Variants in CHRM3 observed in about 807,000 individuals in gnomAD.
CHRM3 encodes the protein muscarinic acetylcholine receptor M3.
In CHRM3, 11 loss-of-function variants were observed where a neutral mutation model predicts 41.8. The ratio of observed to expected loss-of-function variants is 0.26; its 90% CI spans 0.17 to 0.44. The LOEUF (loss-of-function observed/expected upper bound fraction) is 0.44. CHRM3 is among the 20% of genes least tolerant of loss of function. The pLI is 1.00. For missense variants in CHRM3, 571 were observed against 745.4 expected (o/e 0.77, Z 2.72); for synonymous variants, 297 against 301.4 (o/e 0.99, Z 0.15).
At chr1:239,646,836 A>G (rs952718274) in intron 4 of CHRM3, among the ~76,000 whole-genome samples, 3 of 152,172 alleles carry the variant, frequency 2.0e-5, no homozygotes, top group Non-Finnish European at 4.4e-5. Context: ...TAGAAGAATA[A>G]CATTAAGGAA....
At chr1:239,496,383 TAAATA>T (rs1394933305) in intron 2 of CHRM3, among the ~76,000 whole-genome samples, 1 of 152,168 alleles carries the variant, frequency 6.6e-6, no homozygotes, top group Non-Finnish European at 1.5e-5. Flanking sequence ...CCTCATTTGT[TAAATA>T]TATATAATAT....
At chr1:239,901,139 G>T (rs1679518738) in intron 6 of CHRM3, among the ~76,000 whole-genome samples, 1 of 152,148 alleles carries the variant, frequency 6.6e-6, no homozygotes, top group Non-Finnish European at 1.5e-5. Context: ...AGACAGGAGG[G>T]CATGAGGCAC....
intron 6 of CHRM3, among the ~76,000 whole-genome samples, chr1:239,885,485 C>A (rs565408478): frequency 6.6e-6 from 1 of 152,216 alleles, no homozygotes; most frequent in African/African-American, 2.4e-5. Context: ...TTAAGTGAGT[C>A]GGCTTTTTGA....
chr1:239,551,995 G>C (rs1487714166), intron 3 of CHRM3, among the ~76,000 whole-genome samples: 1 of 152,030 alleles, frequency 6.6e-6, no homozygotes, highest in Non-Finnish European at 1.5e-5. Context: ...TATTCATCCG[G>C]TTGTGTAACC....
chr1:239,602,089 C>CGTGTGTGTGTGT (rs1553337591), intron 3 of CHRM3, among the ~76,000 whole-genome samples: 5 of 13,080 alleles, frequency 3.8e-4, no homozygotes, highest in Admixed American at 3.4e-3. Context: ...TACATATATA[C>CGTGTGTGTGTGT]ATGTGTGTGT....
intron 5 of CHRM3, among the ~76,000 whole-genome samples, chr1:239,689,710 AAC>A (rs769028934): frequency 6.6e-6 from 1 of 152,210 alleles, no homozygotes; most frequent in Non-Finnish European, 1.5e-5. Context: ...CATTGATGCT[AAC>A]ACAGCAAATA....
At chr1:239,691,561 A>G (rs1023765425) in intron 5 of CHRM3, among the ~76,000 whole-genome samples, 7 of 152,216 alleles carry the variant, frequency 4.6e-5, no homozygotes, top group African/African-American at 1.7e-4. Flanking sequence ...ACCTGAAGAC[A>G]GATTAGAATT....
chr1:239,524,675 T>C lies in CHRM3; in HGVS notation c.-421-20966T>C, dbSNP rs116971226. Among the ~76,000 whole-genome samples, 996 of 152,182 alleles carry C rather than the reference T, an allele frequency of 6.5e-3. 36 individuals are homozygous for C. The East Asian group carries it at 0.091, about 14-fold the overall frequency. ...AGTAAGCCATGTACTACCTTAACAA[T>C]AAAAATAAAATTAAACAAACTCAAA... On this transcript the variant is annotated intron_variant, in intron 2 of 6. Transcript: ENST00000676153.
intron 5 of CHRM3, among the ~76,000 whole-genome samples, chr1:239,779,632 G>A (rs1668365708): frequency 6.6e-6 from 1 of 152,216 alleles, no homozygotes; most frequent in Non-Finnish European, 1.5e-5. Flanking sequence ...CTACTTGGGT[G>A]GCTGAGCCAC....
chr1:239,597,132 A>G (rs1664866045), intron 3 of CHRM3, among the ~76,000 whole-genome samples: 1 of 152,158 alleles, frequency 6.6e-6, no homozygotes, highest in Non-Finnish European at 1.5e-5. Context: ...ACTTCAACTT[A>G]TGTTTTTGGG....
intron 1 of CHRM3, among the ~76,000 whole-genome samples, chr1:239,489,384 G>T (rs1479911635): frequency 6.6e-6 from 1 of 151,870 alleles, no homozygotes. Flanking sequence ...TTGCACTCCA[G>T]CCTGGGCAAC....
chr1:239,644,340 C>T (rs1042807421), intron 4 of CHRM3, among the ~76,000 whole-genome samples: 4 of 152,162 alleles, frequency 2.6e-5, no homozygotes, highest in African/African-American at 9.7e-5. Context: ...ATTTCCCACC[C>T]ACCCGTCTTC....
At chr1:239,480,881 C>G (rs1171036834) in intron 1 of CHRM3, among the ~76,000 whole-genome samples, 1 of 152,090 alleles carries the variant, frequency 6.6e-6, no homozygotes, top group Non-Finnish European at 1.5e-5. Flanking sequence ...TTATAACAAA[C>G]CAAGGCTCAG....
At chr1:239,449,998 C>T (rs577802142) in intron 1 of CHRM3, among the ~76,000 whole-genome samples, 1 of 152,250 alleles carries the variant, frequency 6.6e-6, no homozygotes, top group African/African-American at 2.4e-5. Flanking sequence ...AAGTAGACAC[C>T]ACTGCCTTAA....
At chr1:239,541,989 G>A (rs970998353) in intron 2 of CHRM3, among the ~76,000 whole-genome samples, 2 of 152,082 alleles carry the variant, frequency 1.3e-5, no homozygotes, top group East Asian at 1.9e-4. Flanking sequence ...ACAGGAATCC[G>A]AAGAGCCTAG....
intron 6 of CHRM3, among the ~76,000 whole-genome samples, chr1:239,885,608 G>A (rs749302893): frequency 7.9e-5 from 12 of 152,006 alleles, no homozygotes; most frequent in Non-Finnish European, 1.2e-4. Context: ...TAACTTTGTT[G>A]CCAAACAATG....
At chr1:239,494,797 G>A (rs530132617) in intron 2 of CHRM3, among the ~76,000 whole-genome samples, 3 of 152,196 alleles carry the variant, frequency 2.0e-5, no homozygotes, top group African/African-American at 7.2e-5. Flanking sequence ...GAACGTGTAT[G>A]TTTGGTTTTC....
At chr1:239,817,182 C>G (rs1558149012) in intron 5 of CHRM3, among the ~76,000 whole-genome samples, 1 of 152,158 alleles carries the variant, frequency 6.6e-6, no homozygotes, top group African/African-American at 2.4e-5. Flanking sequence ...ATATCCACCT[C>G]TTATACCATT....
chr1:239,778,930 A>G (rs546519185), intron 5 of CHRM3, among the ~76,000 whole-genome samples: 1 of 152,310 alleles, frequency 6.6e-6, no homozygotes, highest in East Asian at 1.9e-4. Context: ...AGAAGGTGCT[A>G]TGTGATTGTT....
Sources: gnomAD v4.1 joint callset for allele counts (sites outside exome capture counted in the v4.1 genomes callset) on GRCh38, gnomAD v4.1.1 for gene constraint, MANE v1.5 for transcripts, NCBI Gene and HGNC (gene_info 2026-07-23, HGNC 2026-07-21) for gene names.